ZNF41: variants seen among roughly 807,000 people sequenced by gnomAD.
The protein encoded by ZNF41 is zinc finger protein 41.
Under a neutral mutation model 9.3 loss-of-function variants are expected in ZNF41, and 6 were observed. That is an observed-to-expected ratio of 0.65 (90% CI 0.35 to 1.28). The LOEUF (loss-of-function observed/expected upper bound fraction) is 1.28. Ranked by LOEUF, ZNF41 falls within the 50% of genes most tolerant of loss-of-function variation. ZNF41 has a pLI of 0.03. For synonymous variants in ZNF41, 192 were observed against 207.1 expected, an observed-to-expected ratio of 0.93 and a Z score of 0.63; for missense variants, 523 against 585.8, an observed-to-expected ratio of 0.89 and a Z score of 1.11.
At chrX:47,476,617 A>G (rs2057338298) in intron 1 of ZNF41, among the ~76,000 whole-genome samples, 1 of 111,315 alleles carries the variant, frequency 9.0e-6, no homozygotes, top group Non-Finnish European at 1.9e-5. Flanking sequence ...ACCACAAGAT[A>G]CCACTTCACA....
At chrX:47,472,228 TTATG>T (rs1415574768) in intron 1 of ZNF41, among the ~76,000 whole-genome samples, 1 of 110,662 alleles carries the variant, frequency 9.0e-6, no homozygotes, top group Non-Finnish European at 1.9e-5. Context: ...AAACTAAAAA[TTATG>T]TAAATGCCCA....
At chrX:47,452,175 C>T (rs1298938699) in intron 4 of ZNF41, among the ~76,000 whole-genome samples, 2 of 110,582 alleles carry the variant, frequency 1.8e-5, no homozygotes, top group Non-Finnish European at 3.8e-5. Flanking sequence ...TGGCTCCTGA[C>T]GCACATGTAG....
At position 47,448,498 on chromosome X, in the gene ZNF41, T is replaced by C; in HGVS notation, c.1272A>G (p.Ser424=). The C allele has an allele frequency of 8.3e-7, 1 of 1,211,968 alleles. No individual in the cohort carries two copies. Among genetic ancestry groups the C allele is most frequent in the Admixed American group, 2.2e-5 (1 of 46,017 alleles). Reference sequence around the variant, plus strand: ...GGATTCTCTGATGCATCCTGAGTGCTGATTTTCTTGTGAAAGCCTTCCCAC... The same window carrying C: ...GGATTCTCTGATGCATCCTGAGTGCCGATTTTCTTGTGAAAGCCTTCCCAC... ...NECGKAFTRK[S]ALRMHQRIHT... Residue 424 remains serine, a synonymous_variant, in exon 5 of 5, where the codon TCA becomes TCG. Transcript: ENST00000684689.
intron 2 of ZNF41, among the ~76,000 whole-genome samples, chrX:47,458,691 C>G (rs901064715): frequency 1.8e-5 from 2 of 111,204 alleles, no homozygotes; most frequent in Non-Finnish European, 3.8e-5. Flanking sequence ...CTTTGTCACC[C>G]AGGCTAGGGT....
At position 47,468,125 on chromosome X, in the gene ZNF41, C is replaced by A. The variant is rs759537078; in HGVS notation, c.-279-365G>T. Among the ~76,000 whole-genome samples, 5 of 111,431 alleles carry A rather than the reference C, an allele frequency of 4.5e-5. No homozygotes were observed. In the East Asian group the frequency reaches 1.1e-3, roughly 25 times the overall value. On this transcript the variant is annotated intron_variant, in intron 1 of 4. Coordinates refer to ENST00000684689, the MANE Select transcript of ZNF41 (RefSeq NM_001324144.2). ...ACTAGGCATTACTATTATTACTAAT[C>A]CCATTTACCATCAGATAGAGCTGTT...
chrX:47,471,374 G>A (rs1000932343), intron 1 of ZNF41, among the ~76,000 whole-genome samples: 3 of 109,234 alleles, frequency 2.7e-5, no homozygotes, highest in Admixed American at 9.8e-5. Flanking sequence ...GCTTGAACCT[G>A]GGAGGCGGGG....
chrX:47,482,006 T>TC (rs1445885653), intron 1 of ZNF41, among the ~76,000 whole-genome samples: 1 of 109,353 alleles, frequency 9.1e-6, no homozygotes, highest in Non-Finnish European at 1.9e-5. Context: ...AAGAAACGCA[T>TC]CACTCACCCA....
intron 2 of ZNF41, among the ~76,000 whole-genome samples, chrX:47,460,713 C>G (rs1329209562): frequency 8.9e-6 from 1 of 112,101 alleles, no homozygotes; most frequent in Non-Finnish European, 1.9e-5. Context: ...CATTACACAA[C>G]CCCTAGAAAG....
chrX:47,466,785 G>T (rs1164124517), intron 2 of ZNF41, among the ~76,000 whole-genome samples: 4 of 111,556 alleles, frequency 3.6e-5, no homozygotes, highest in Non-Finnish European at 5.6e-5. Flanking sequence ...TCCCAAAGGT[G>T]CTGGGATTAC....
chrX:47,474,566 G>T (rs1393562877), intron 1 of ZNF41, among the ~76,000 whole-genome samples: 2 of 110,696 alleles, frequency 1.8e-5, no homozygotes, highest in Non-Finnish European at 1.9e-5. Flanking sequence ...AGGGGTTAGG[G>T]ATGGCAGTGG....
At chrX:47,468,119 A>T (rs1411718269) in intron 1 of ZNF41, among the ~76,000 whole-genome samples, 1 of 111,535 alleles carries the variant, frequency 9.0e-6, no homozygotes, top group Non-Finnish European at 1.9e-5. Flanking sequence ...TACTATTATT[A>T]CTAATCCCAT....
At chrX:47,457,376 C>T (rs1190857652) in intron 2 of ZNF41, among the ~76,000 whole-genome samples, 2 of 109,839 alleles carry the variant, frequency 1.8e-5, no homozygotes, top group African/African-American at 6.6e-5. Context: ...TATCATTGCA[C>T]TTCAGCCTGG....
intron 2 of ZNF41, among the ~76,000 whole-genome samples, chrX:47,466,208 A>T (rs1482316200): frequency 3.6e-5 from 4 of 110,689 alleles, no homozygotes; most frequent in African/African-American, 1.3e-4. Flanking sequence ...CAAAAAAAAA[A>T]ATTTAAAAGT....
chrX:47,468,631 T>C (rs911701732), intron 1 of ZNF41, among the ~76,000 whole-genome samples: 5 of 110,881 alleles, frequency 4.5e-5, no homozygotes, highest in Admixed American at 1.9e-4. Context: ...CCCTCAGTAA[T>C]AGAAGTTCTA....
At position 47,448,935 on chromosome X, in the gene ZNF41, C is replaced by T. The variant is rs933692628; in HGVS notation, c.835G>A (p.Gly279Ser). ...KLYVCTECVM[G>S]FTQKSHLFEH... The stretch of plus-strand genomic sequence containing the variant: ...AACAGATGTGACTTCTGAGTGAAGC[C>T]CATTACACATTCAGTACACACATAA... The change falls in exon 5 of 5, where the codon GGC becomes AGC. Residue 279 changes from glycine (G) to serine (S), a missense_variant. By Grantham distance (56) the Gly-to-Ser change is moderately conservative. Coordinates refer to ENST00000684689, the MANE Select transcript of ZNF41 (RefSeq NM_001324144.2). 3.3e-6 allele frequency: 4 copies of T among 1,209,344 alleles called. No homozygotes were observed. Among genetic ancestry groups the T allele is most frequent in the African/African-American group, 1.8e-5 (1 of 57,005 alleles).
chrX:47,452,661 T>C (rs1229655883), intron 4 of ZNF41, among the ~76,000 whole-genome samples: 1 of 112,197 alleles, frequency 8.9e-6, no homozygotes, highest in African/African-American at 3.2e-5. Flanking sequence ...TCCAGTCCCA[T>C]GGCTCACTGC....
chrX:47,473,573 T>G (rs1020877496), intron 1 of ZNF41, among the ~76,000 whole-genome samples: 26 of 112,075 alleles, frequency 2.3e-4, no homozygotes, highest in Non-Finnish European at 4.0e-4. Context: ...ATCATAATTG[T>G]TTTTGTATTA....
At chrX:47,450,303 C>T (rs186190235) in intron 4 of ZNF41, among the ~76,000 whole-genome samples, 1,186 of 110,806 alleles carry the variant, frequency 0.011, 15 homozygotes, top group African/African-American at 0.036. Context: ...CTCCGCCTCC[C>T]GGGTTCAAGT....
chrX:47,479,763 G>A (rs1185373492), intron 1 of ZNF41, among the ~76,000 whole-genome samples: 5 of 110,762 alleles, frequency 4.5e-5, no homozygotes, highest in South Asian at 7.5e-4. Context: ...TAGTTTTAGT[G>A]GTTATTTTTG....
Sources: gnomAD v4.1 joint callset for allele counts (sites outside exome capture counted in the v4.1 genomes callset) on GRCh38, gnomAD v4.1.1 for gene constraint, MANE v1.5 for transcripts, NCBI Gene and HGNC (gene_info 2026-07-23, HGNC 2026-07-21) for gene names.